Variants in PRH1 observed in about 807,000 individuals in gnomAD.
The protein encoded by PRH1 is salivary acidic proline-rich phosphoprotein 1/2.
Under a neutral mutation model 7.9 loss-of-function variants are expected in PRH1, and 7 were observed. That is an observed-to-expected ratio of 0.89 (90% CI 0.50 to 1.67). PRH1 has a LOEUF of 1.67. PRH1 is among the 40% of genes most tolerant of loss of function. PRH1 has a pLI of 0.00. For missense variants in PRH1, 109 were observed against 223.6 expected (o/e 0.49, Z 3.27); for synonymous variants, 45 against 80.8 (o/e 0.56, Z 2.38).
chr12:10,930,340 C>T (rs754546959), intron 2 of PRH1: 1 of 1,597,502 alleles, frequency 6.3e-7, no homozygotes, highest in East Asian at 2.2e-5. Flanking sequence ...ACTCTGTCTC[C>T]ATTTTTCCCT....
intron 1 of PRH1, among the ~76,000 whole-genome samples, chr12:11,014,712 CA>C (rs1941211989): frequency 2.7e-5 from 4 of 148,060 alleles, no homozygotes; most frequent in East Asian, 4.1e-4. Context: ...AAATTCACCA[CA>C]AGAATATTCA....
intron 1 of PRH1, among the ~76,000 whole-genome samples, chr12:11,069,038 C>G (rs1943947385): frequency 6.6e-6 from 1 of 151,914 alleles, no homozygotes; most frequent in South Asian, 2.1e-4. Flanking sequence ...CCACCTTAGC[C>G]TCCCAGGTAG....
intron 2 of PRH1, among the ~76,000 whole-genome samples, chr12:10,948,548 T>C (rs1311432270): frequency 1.3e-5 from 2 of 152,216 alleles, no homozygotes; most frequent in Admixed American, 6.5e-5. Flanking sequence ...GTGATTCTTA[T>C]TTTCCTTGGA....
rs116952995 is a variant in PRH1 at position 10,948,084 on chromosome 12, G to T, written c.-59+25571C>A. 4.8e-3 allele frequency among the ~76,000 whole-genome samples: 728 copies of T among 152,104 alleles called. 2 individuals are homozygous for T. The highest frequency in any genetic ancestry group is 7.5e-3 in the Non-Finnish European group (509 of 67,998). On this transcript the variant is annotated intron_variant, in intron 2 of 3. Coordinates refer to the PRH1 transcript ENST00000539853. ...CATTCTTTCTTTTATTTCAATCTTGGGAAATCTGATGATTATATATCTTGG... is the reference window on the plus strand; with the variant it reads ...CATTCTTTCTTTTATTTCAATCTTGTGAAATCTGATGATTATATATCTTGG...
At chr12:11,027,113 A>T (rs1941955982) in intron 1 of PRH1, among the ~76,000 whole-genome samples, 1 of 151,972 alleles carries the variant, frequency 6.6e-6, no homozygotes, top group Admixed American at 6.6e-5. Context: ...GAAAATACAA[A>T]AATTAGCCAG....
At chr12:10,921,191 T>C (rs560566088) in intron 2 of PRH1, among the ~76,000 whole-genome samples, 1 of 152,036 alleles carries the variant, frequency 6.6e-6, no homozygotes, top group African/African-American at 2.4e-5. Flanking sequence ...TTTTTTAACT[T>C]CTTAAAATAA....
At chr12:11,008,818 T>C (rs1241440567) in intron 1 of PRH1, among the ~76,000 whole-genome samples, 5 of 152,168 alleles carry the variant, frequency 3.3e-5, no homozygotes, top group Middle Eastern at 3.4e-3. Flanking sequence ...TTATGAATAA[T>C]GCTACTATGA....
chr12:11,167,445 AT>A (rs145652303), intron 1 of PRH1, among the ~76,000 whole-genome samples: 5,313 of 140,318 alleles, frequency 0.038, 259 homozygotes, highest in African/African-American at 0.12. Context: ...AAGGCTTGTA[AT>A]TTTTTTTTTT....
At chr12:10,901,169 C>A (rs532062475) in intron 2 of PRH1, among the ~76,000 whole-genome samples, 1 of 152,072 alleles carries the variant, frequency 6.6e-6, no homozygotes, top group Non-Finnish European at 1.5e-5. Context: ...TGTTTTATGC[C>A]CAGGCAAATA....
chr12:11,018,042 A>G (rs1182549293), intron 1 of PRH1, among the ~76,000 whole-genome samples: 3 of 151,942 alleles, frequency 2.0e-5, no homozygotes, highest in African/African-American at 7.3e-5. Flanking sequence ...AACATATAAT[A>G]TCTCTACAGC....
intron 1 of PRH1, chr12:11,021,762 C>G (rs753694713): frequency 3.7e-6 from 6 of 1,614,158 alleles, no homozygotes; most frequent in Non-Finnish European, 5.1e-6. Flanking sequence ...ATGAAGGATA[C>G]ATGATTGCAA....
intron 2 of PRH1, chr12:10,930,232 C>A (rs117728665): frequency 0.017 from 26,695 of 1,604,824 alleles, 283 homozygotes; most frequent in Middle Eastern, 0.033. Flanking sequence ...ATGATTCATG[C>A]AGTAACTTTT....
intron 1 of PRH1, among the ~76,000 whole-genome samples, chr12:11,112,415 G>A (rs1379004363): frequency 6.6e-6 from 1 of 152,110 alleles, no homozygotes; most frequent in Non-Finnish European, 1.5e-5. Context: ...TAAAATACTG[G>A]CAAGCCAAAT....
At chr12:10,985,932 T>TA in intron 1 of PRH1, 1 of 1,572,884 alleles carries the variant, frequency 6.4e-7, no homozygotes, top group Non-Finnish European at 8.6e-7. Context: ...CTTGTGAATC[T>TA]AGAGAGTTGA....
chr12:11,034,570 C>T (rs1177768764), intron 1 of PRH1, among the ~76,000 whole-genome samples: 2 of 132,224 alleles, frequency 1.5e-5, no homozygotes, highest in Middle Eastern at 3.3e-3. Flanking sequence ...ATATTTACCA[C>T]TTTCATTAAT....
intron 2 of PRH1, among the ~76,000 whole-genome samples, chr12:10,921,887 C>T (rs1591680697): frequency 6.6e-6 from 1 of 152,136 alleles, no homozygotes; most frequent in Admixed American, 6.5e-5. Context: ...CCACCTCAGC[C>T]TCCCTAGTAG....
Position 11,091,946 on chromosome 12 carries a change from C to A in PRH1, n.124-44758G>T, listed in dbSNP as rs761853947. The A allele has an allele frequency of 4.1e-6, 5 of 1,229,174 alleles. 1 individual carries two copies. Among genetic ancestry groups the A allele is most frequent in the Non-Finnish European group, 5.8e-6 (5 of 867,324 alleles). The allele number at this position is 1,229,174 out of a possible 1,614,324, so 76.1% of individuals were successfully genotyped here. On this transcript the variant is annotated intron_variant and non_coding_transcript_variant, in intron 1 of 4. Transcript: ENST00000541977. The stretch of plus-strand genomic sequence containing the variant: ...GCTGAGGGTAGTAGCAAGCCAGTTG[C>A]TGAAATGGTTGATCACTGCCCAGAT...
intron 1 of PRH1, among the ~76,000 whole-genome samples, chr12:11,149,309 T>A (rs1276755363): frequency 6.6e-6 from 1 of 152,230 alleles, no homozygotes; most frequent in African/African-American, 2.4e-5. Context: ...TGATTTTAGT[T>A]ATTTCTTGCC....
intron 2 of PRH1, among the ~76,000 whole-genome samples, chr12:10,925,438 G>C (rs1950110655): frequency 6.6e-6 from 1 of 152,098 alleles, no homozygotes; most frequent in South Asian, 2.1e-4. Context: ...CAACATTTTT[G>C]GTTCATTTCA....
Sources: gnomAD v4.1 joint callset for allele counts (sites outside exome capture counted in the v4.1 genomes callset) on GRCh38, gnomAD v4.1.1 for gene constraint, MANE v1.5 for transcripts, NCBI Gene and HGNC (gene_info 2026-07-23, HGNC 2026-07-21) for gene names.